LARGE1: variants seen among roughly 807,000 people sequenced by gnomAD.
LARGE1 encodes xylosyl- and glucuronyltransferase LARGE1.
Under a neutral mutation model 87.6 loss-of-function variants are expected in LARGE1, and 43 were observed. That is an observed-to-expected ratio of 0.49 (90% CI 0.38 to 0.63). The LOEUF (loss-of-function observed/expected upper bound fraction) is 0.63. LARGE1 is among the 30% of genes least tolerant of loss of function. LARGE1 has a pLI of 0.00. For missense variants in LARGE1, 802 were observed against 1,000.2 expected (o/e 0.80, Z 2.67); for synonymous variants, 434 against 394.6 (o/e 1.10, Z -1.18).
intron 1 of LARGE1, among the ~76,000 whole-genome samples, chr22:33,792,640 G>A (rs947591049): frequency 4.0e-5 from 6 of 151,804 alleles, no homozygotes; most frequent in Non-Finnish European, 7.4e-5. Context: ...TAAAGACAAC[G>A]TTACAAACCA....
At chr22:33,083,025 CAAAATA>C in the LARGE1 span, among the ~76,000 whole-genome samples, 12 of 151,996 alleles carry the variant, frequency 7.9e-5, no homozygotes, top group South Asian at 8.3e-4. Context: ...GACTCCGTCT[CAAAATA>C]AAAATAAAAA....
intron 2 of LARGE1, among the ~76,000 whole-genome samples, chr22:33,721,887 CTTTATT>C (rs2083108629): frequency 6.6e-6 from 1 of 152,104 alleles, no homozygotes; most frequent in South Asian, 2.1e-4. Context: ...TTGTTTTTGT[CTTTATT>C]TTTGTCTTTG....
At chr22:33,830,623 G>A (rs113099338) in intron 1 of LARGE1, among the ~76,000 whole-genome samples, 4,269 of 152,290 alleles carry the variant, frequency 0.028, 188 homozygotes, top group African/African-American at 0.096. Flanking sequence ...CACACCTCAA[G>A]CAAAGCTGAT....
chr22:33,068,384 G>A, the LARGE1 span, among the ~76,000 whole-genome samples: 3 of 152,166 alleles, frequency 2.0e-5, no homozygotes, highest in African/African-American at 7.2e-5. Context: ...GGTGGCTCAC[G>A]CCTGTAATCC....
chr22:33,447,647 G>A (rs1390597140), intron 6 of LARGE1, among the ~76,000 whole-genome samples: 2 of 152,240 alleles, frequency 1.3e-5, no homozygotes, highest in East Asian at 1.9e-4. Context: ...AAGAGGCGGT[G>A]AAGGTGAATT....
chr22:33,352,925 A>C (rs1940527585), intron 9 of LARGE1, among the ~76,000 whole-genome samples: 1 of 152,238 alleles, frequency 6.6e-6, no homozygotes, highest in Non-Finnish European at 1.5e-5. Context: ...CTACAGATTG[A>C]GAATACCAAT....
chr22:33,424,491 A>C (rs1380603304), intron 7 of LARGE1, among the ~76,000 whole-genome samples: 3 of 152,226 alleles, frequency 2.0e-5, no homozygotes, highest in Non-Finnish European at 4.4e-5. Context: ...TGGTACCTGC[A>C]ATGGACTGAA....
intron 11 of LARGE1, among the ~76,000 whole-genome samples, chr22:33,244,176 T>A (rs1926651085): frequency 6.6e-6 from 1 of 151,948 alleles, no homozygotes; most frequent in Admixed American, 6.6e-5. Flanking sequence ...TTTGTATTTT[T>A]AGTAGAGACG....
intron 7 of LARGE1, among the ~76,000 whole-genome samples, chr22:33,418,467 T>C (rs542699563): frequency 6.6e-6 from 1 of 152,206 alleles, no homozygotes; most frequent in East Asian, 1.9e-4. Flanking sequence ...CAAAAACATA[T>C]TTTATAACAT....
intron 11 of LARGE1, among the ~76,000 whole-genome samples, chr22:33,171,455 C>T (rs1011008562): frequency 1.5e-4 from 23 of 152,338 alleles, no homozygotes; most frequent in Middle Eastern, 3.4e-3. Flanking sequence ...TTCACAGCAG[C>T]CCCTCCCATC....
chr22:33,389,265 G>A (rs992213522), intron 7 of LARGE1, among the ~76,000 whole-genome samples: 3 of 152,226 alleles, frequency 2.0e-5, no homozygotes, highest in Admixed American at 6.5e-5. Context: ...GAAGAGCCTC[G>A]TATCTATGCA....
At chr22:33,850,029 G>A (rs1039687185) in intron 1 of LARGE1, among the ~76,000 whole-genome samples, 3 of 152,110 alleles carry the variant, frequency 2.0e-5, no homozygotes, top group Non-Finnish European at 4.4e-5. Context: ...AGGGGGTGGG[G>A]GTGCAATGAT....
chr22:33,881,056 A>AT (rs35911972), intron 1 of LARGE1, among the ~76,000 whole-genome samples: 77 of 148,782 alleles, frequency 5.2e-4, no homozygotes, highest in Middle Eastern at 7.0e-3. Context: ...AGCTTTTTTA[A>AT]TTTTTTTTTT....
At chr22:33,765,696 A>C in intron 1 of LARGE1, among the ~76,000 whole-genome samples, 1 of 102,604 alleles carries the variant, frequency 9.7e-6, no homozygotes, top group East Asian at 2.7e-4. Flanking sequence ...CAAGAGCAAA[A>C]CTCCATCTCA....
chr22:33,739,437 C>A (rs1272462438), intron 2 of LARGE1, among the ~76,000 whole-genome samples: 1 of 152,182 alleles, frequency 6.6e-6, no homozygotes, highest in Admixed American at 6.5e-5. Flanking sequence ...ACCAAAAAAC[C>A]TACAGCTTTC....
chr22:33,379,416 C>T (rs1199359858), intron 9 of LARGE1, among the ~76,000 whole-genome samples: 11 of 151,954 alleles, frequency 7.2e-5, no homozygotes, highest in Non-Finnish European at 1.6e-4. Context: ...CTCCTCTCTC[C>T]CCCACCCCAT....
chr22:33,479,362 G>A (rs1363270600), intron 6 of LARGE1, among the ~76,000 whole-genome samples: 1 of 152,170 alleles, frequency 6.6e-6, no homozygotes, highest in East Asian at 1.9e-4. Context: ...AAAATGAATG[G>A]ATGACTGGAT....
At chr22:33,323,835 G>C (rs1936975920) in intron 10 of LARGE1, among the ~76,000 whole-genome samples, 1 of 152,152 alleles carries the variant, frequency 6.6e-6, no homozygotes, top group Admixed American at 6.5e-5. Context: ...TAAGCAATGT[G>C]GTTATGATTA....
At chr22:33,432,116 C>T in intron 7 of LARGE1, 45 bp downstream of exon 7, 1 of 1,479,284 alleles carries the variant, frequency 6.8e-7, no homozygotes, top group African/African-American at 1.4e-5. Flanking sequence ...ACTGGGTCCT[C>T]ATATCACCTT....
Sources: allele counts gnomAD v4.1 joint callset (sites outside exome capture counted in the v4.1 genomes callset), GRCh38; gene constraint gnomAD v4.1.1; transcripts MANE v1.5; gene names NCBI Gene and HGNC (gene_info 2026-07-23, HGNC 2026-07-21).